SNX24: variants seen among roughly 807,000 people sequenced by gnomAD.
The protein encoded by SNX24 is sorting nexin 24.
A neutral mutation model predicts 28.7 loss-of-function variants in SNX24; 22 were observed. The observed-to-expected ratio is 0.77, with a 90% CI of 0.55 to 1.10. SNX24 has a LOEUF of 1.10. Among genes scored for constraint, SNX24 ranks in the 50% least tolerant of loss-of-function variants. The pLI is 0.00. For synonymous variants in SNX24, 69 were observed against 71.5 expected (o/e 0.96, Z 0.18); for missense variants, 221 against 201.1 (o/e 1.10, Z -0.60).
chr5:122,855,974 A>G (rs1158597780), intron 1 of SNX24, among the ~76,000 whole-genome samples: 1 of 152,108 alleles, frequency 6.6e-6, no homozygotes, highest in African/African-American at 2.4e-5. Context: ...TTATTTATTT[A>G]CTTATTTTAG....
At chr5:122,923,345 A>C (rs1446282498) in intron 1 of SNX24, among the ~76,000 whole-genome samples, 1 of 152,020 alleles carries the variant, frequency 6.6e-6, no homozygotes, top group Non-Finnish European at 1.5e-5. Flanking sequence ...TCTCTAAAAA[A>C]AAAAATTAAA....
intron 3 of SNX24, among the ~76,000 whole-genome samples, chr5:122,952,298 T>A (rs1759978175): frequency 6.6e-6 from 1 of 152,258 alleles, no homozygotes; most frequent in Non-Finnish European, 1.5e-5. Flanking sequence ...TGCAGCCTGA[T>A]GTTTGTGACC....
At chr5:122,968,119 C>T (rs1760793342) in intron 3 of SNX24, among the ~76,000 whole-genome samples, 1 of 152,082 alleles carries the variant, frequency 6.6e-6, no homozygotes, top group Non-Finnish European at 1.5e-5. Flanking sequence ...ATTGGGAGGC[C>T]GAGGCAGGCA....
intron 6 of SNX24, 143 bp downstream of exon 6, chr5:123,002,147 C>A: frequency 1.5e-6 from 1 of 676,476 alleles, no homozygotes; most frequent in Non-Finnish European, 2.7e-6. Context: ...TTGGTATAAG[C>A]GACACTTAGA....
intron 5 of SNX24, among the ~76,000 whole-genome samples, chr5:123,019,212 T>TTA (rs1378356384): frequency 1.3e-5 from 2 of 151,932 alleles, no homozygotes; most frequent in Non-Finnish European, 2.9e-5. Context: ...AATTACAGAC[T>TTA]AAAGTAAAAG....
chr5:122,970,011 C>T (rs540692901), intron 3 of SNX24, among the ~76,000 whole-genome samples: 32 of 151,948 alleles, frequency 2.1e-4, no homozygotes, highest in Non-Finnish European at 4.1e-4. Context: ...AACTCAGGCC[C>T]ATGACTGTGC....
chr5:122,859,478 A>G (rs1021053264), intron 1 of SNX24, among the ~76,000 whole-genome samples: 1 of 152,070 alleles, frequency 6.6e-6, no homozygotes, highest in Admixed American at 6.6e-5. Flanking sequence ...AGTGGTATGT[A>G]CCTATGGTCC....
intron 1 of SNX24, among the ~76,000 whole-genome samples, chr5:122,870,205 C>G (rs528972341): frequency 6.6e-6 from 1 of 152,290 alleles, no homozygotes; most frequent in South Asian, 2.1e-4. Context: ...GCTTTTTAGT[C>G]TCTATCAACC....
At chr5:122,897,934 G>T (rs1757273663) in intron 1 of SNX24, among the ~76,000 whole-genome samples, 1 of 152,134 alleles carries the variant, frequency 6.6e-6, no homozygotes, top group Non-Finnish European at 1.5e-5. Context: ...CTTCTTGGGG[G>T]AAAATACCAT....
At chr5:122,873,850 C>T (rs1756100814) in intron 1 of SNX24, among the ~76,000 whole-genome samples, 1 of 150,438 alleles carries the variant, frequency 6.6e-6, no homozygotes, top group Non-Finnish European at 1.5e-5. Flanking sequence ...ACTGCAACTT[C>T]CACCTCCCAA....
intron 1 of SNX24, among the ~76,000 whole-genome samples, chr5:122,880,861 GA>G (rs1055884179): frequency 6.6e-6 from 1 of 152,178 alleles, no homozygotes; most frequent in Non-Finnish European, 1.5e-5. Flanking sequence ...CAGCATCAGA[GA>G]AATCTCCCCT....
intron 1 of SNX24, among the ~76,000 whole-genome samples, chr5:122,862,007 A>T (rs1755482640): frequency 6.6e-6 from 1 of 152,166 alleles, no homozygotes; most frequent in South Asian, 2.1e-4. Flanking sequence ...CAGTGGTTGC[A>T]TTGGTGTTGC....
intron 1 of SNX24, among the ~76,000 whole-genome samples, chr5:122,908,693 GA>G (rs1757751833): frequency 6.6e-6 from 1 of 152,172 alleles, no homozygotes; most frequent in African/African-American, 2.4e-5. Context: ...TGTCAGTGAA[GA>G]AAGAAATGTA....
intron 1 of SNX24, among the ~76,000 whole-genome samples, chr5:122,891,617 G>T (rs1024186730): frequency 8.5e-5 from 13 of 152,130 alleles, no homozygotes; most frequent in African/African-American, 3.1e-4. Flanking sequence ...TCTTTAAGCA[G>T]TAATACATAC....
chr5:123,010,687 G>A (rs544264459), downstream of SNX24, among the ~76,000 whole-genome samples: 4 of 152,102 alleles, frequency 2.6e-5, no homozygotes, highest in South Asian at 2.1e-4. Flanking sequence ...TCCTAATACC[G>A]AATTCCCGTT....
At chr5:122,852,348 CT>C (rs879606693) in intron 1 of SNX24, among the ~76,000 whole-genome samples, 452 of 141,456 alleles carry the variant, frequency 3.2e-3, no homozygotes, top group Non-Finnish European at 2.8e-3. Flanking sequence ...AGAATAGCTT[CT>C]TTTTTTTTTT....
intron 3 of SNX24, among the ~76,000 whole-genome samples, chr5:122,949,268 G>T (rs1759830892): frequency 1.3e-5 from 2 of 151,966 alleles, no homozygotes; most frequent in African/African-American, 2.4e-5. Flanking sequence ...GCATTTATTT[G>T]GCTTTCTTCA....
At chr5:122,875,372 G>A (rs370022214) in intron 1 of SNX24, among the ~76,000 whole-genome samples, 1 of 152,238 alleles carries the variant, frequency 6.6e-6, no homozygotes, top group African/African-American at 2.4e-5. Context: ...GAAAATGTGT[G>A]TGTCTATGGA....
chr5:122,948,143 T>C (rs556692360), intron 3 of SNX24, among the ~76,000 whole-genome samples: 1 of 152,332 alleles, frequency 6.6e-6, no homozygotes, highest in African/African-American at 2.4e-5. Flanking sequence ...TTGATTCTAT[T>C]TGCAGGCAAT....
Sources: allele counts gnomAD v4.1 joint callset (sites outside exome capture counted in the v4.1 genomes callset), GRCh38; gene constraint gnomAD v4.1.1; transcripts MANE v1.5; gene names NCBI Gene and HGNC (gene_info 2026-07-23, HGNC 2026-07-21).